Variants in CFI observed in about 807,000 individuals in gnomAD.
CFI encodes the protein C3B/C4B inactivator.
In CFI, 66 loss-of-function variants were observed where a neutral mutation model predicts 78.8. That is an observed-to-expected ratio of 0.84 (90% CI 0.69 to 1.03). The LOEUF is 1.03. CFI is among the 50% of genes least tolerant of loss of function. CFI has a pLI of 0.00. For synonymous variants in CFI, 250 were observed against 232.6 expected (o/e 1.07, Z -0.68); for missense variants, 706 against 704.5 (o/e 1.00, Z -0.02).
At chr4:109,779,538 T>C (rs1366982205) in intron 1 of CFI, among the ~76,000 whole-genome samples, 4 of 152,066 alleles carry the variant, frequency 2.6e-5, no homozygotes, top group Non-Finnish European at 2.9e-5. Flanking sequence ...GAATCAATAT[T>C]GTGAAAATGG....
intron 1 of CFI, among the ~76,000 whole-genome samples, chr4:109,783,813 ATATATAT>A (rs1730376700): frequency 3.2e-5 from 3 of 93,922 alleles, no homozygotes; most frequent in African/African-American, 1.6e-4. Flanking sequence ...AGAAACTGTG[ATATATAT>A]ATATATATAT....
intron 7 of CFI, 22 bp from the exon 8 acceptor site, chr4:109,752,525 C>A (rs1725268930): frequency 6.3e-7 from 1 of 1,599,098 alleles, no homozygotes; most frequent in South Asian, 1.1e-5. Context: ...CAAAAGATTC[C>A]AATGTTTAAA....
rs1489267052 is a variant in CFI, at chr4:109,766,704, C to G, written c.178G>C (p.Val60Leu). 1 of 1,614,216 alleles carries G rather than the reference C, an allele frequency of 6.2e-7. No homozygotes were observed. The highest frequency in any genetic ancestry group is 8.5e-7 in the Non-Finnish European group (1 of 1,180,036). ...PWQRCIEGTCVCKLPYQCPKN... is the reference protein window; with the variant it reads ...PWQRCIEGTCLCKLPYQCPKN... ...GGGCACTGATACGGTAGTTTACAAA[C>G]ACAGGTGCCCTCAATGCATCTCTGC... The change falls in exon 2 of 13, where the codon GTT becomes CTT. Residue 60 changes from valine (V) to leucine (L), a missense_variant. Transcript: ENST00000394634.
chr4:109,752,752 T>G (rs984433396), intron 7 of CFI, among the ~76,000 whole-genome samples: 2 of 149,830 alleles, frequency 1.3e-5, no homozygotes, highest in Admixed American at 1.4e-4. Flanking sequence ...TTGGTACTAG[T>G]GAATGTTGAG....
chr4:109,794,914 C>T (rs552657738), intron 1 of CFI, among the ~76,000 whole-genome samples: 3 of 152,088 alleles, frequency 2.0e-5, no homozygotes, highest in Non-Finnish European at 4.4e-5. Flanking sequence ...GATGGTGGAA[C>T]AAAATGTCCC....
At chr4:109,764,216 T>C (rs545995911) in intron 3 of CFI, 1 of 389,796 alleles carries the variant, frequency 2.6e-6, no homozygotes, top group East Asian at 6.0e-5. Context: ...GTATATAAAC[T>C]ATACTAAGTG....
At chr4:109,765,434 G>T (rs906933791) in intron 2 of CFI, among the ~76,000 whole-genome samples, 1 of 152,214 alleles carries the variant, frequency 6.6e-6, no homozygotes, top group African/African-American at 2.4e-5. Flanking sequence ...GCCAAGCACT[G>T]TGTGAAGAGC....
chr4:109,766,738 G>A lies in CFI; in HGVS notation c.144C>T (p.Cys48=), dbSNP rs946679580. ...CCTCAATGCATCTCTGCCATGGCTG[G>A]CAGAAGACTTTATCGCAGGAGAGGT... ...YTHLSCDKVF[C]QPWQRCIEGT... Residue 48 remains cysteine (C), a synonymous_variant, in exon 2 of 13, where the codon TGC becomes TGT. Transcript: ENST00000394634. 4 of 1,614,028 alleles carry A rather than the reference G, an allele frequency of 2.5e-6. No homozygotes were observed. The African/African-American group carries it at 4.0e-5, about 16-fold the overall frequency.
At chr4:109,776,680 C>T (rs190427216) in intron 1 of CFI, among the ~76,000 whole-genome samples, 2 of 152,128 alleles carry the variant, frequency 1.3e-5, no homozygotes, top group Admixed American at 1.3e-4. Context: ...TCAGATTCAC[C>T]AAAGTTGAAA....
intron 3 of CFI, among the ~76,000 whole-genome samples, chr4:109,764,021 T>C (rs1464921105): frequency 6.7e-6 from 1 of 148,684 alleles, no homozygotes; most frequent in African/African-American, 2.4e-5. Flanking sequence ...ATATAAATTA[T>C]AGTTTGTACA....
chr4:109,741,969 C>T (rs955853475), intron 12 of CFI: 7 of 161,640 alleles, frequency 4.3e-5, no homozygotes, highest in South Asian at 1.7e-4. Flanking sequence ...GTAAGAAATG[C>T]GCTGTGATTT....
chr4:109,754,584 A>G (rs1266098337), intron 7 of CFI, among the ~76,000 whole-genome samples: 3 of 151,978 alleles, frequency 2.0e-5, no homozygotes, highest in African/African-American at 7.3e-5. Context: ...ATGGATGAGG[A>G]TATGGCTGGG....
intron 6 of CFI, 81 bp from the exon 7 acceptor site, chr4:109,757,864 A>G: frequency 7.7e-7 from 1 of 1,296,920 alleles, no homozygotes; most frequent in South Asian, 1.4e-5. Flanking sequence ...CTATACATAT[A>G]TCATGAAAAC....
intron 1 of CFI, among the ~76,000 whole-genome samples, chr4:109,794,690 G>T (rs943641394): frequency 2.6e-5 from 4 of 152,068 alleles, no homozygotes; most frequent in Non-Finnish European, 5.9e-5. Context: ...CTATTCAGGG[G>T]GCTAAGGCAT....
Position 109,766,632 on chromosome 4 carries a change from T to C in CFI, c.250A>G (p.Thr84Ala). 5 of 1,614,230 alleles carry C rather than the reference T, an allele frequency of 3.1e-6. No individual in the cohort carries two copies. The highest frequency in any genetic ancestry group is 4.2e-6 in the Non-Finnish European group (5 of 1,180,026). ...TCCAAACTCTTTTGTTGACAGTATG[T>C]TGGGAAGCTTCTCCTGTTAGTTGCA... The part of the protein sequence containing the change: ...VCATNRRSFP[T>A]YCQQKSLECL... The change falls in exon 2 of 13, where the codon ACA (threonine) becomes GCA (alanine). Residue 84 changes from threonine to alanine, a missense_variant. By Grantham distance (58) the Thr-to-Ala change is moderately conservative. Coordinates refer to ENST00000394634, the MANE Select transcript of CFI (RefSeq NM_000204.5).
At chr4:109,801,825 T>C (rs1732798198) in intron 1 of CFI, 90 bp downstream of exon 1, 3 of 875,270 alleles carry the variant, frequency 3.4e-6, no homozygotes, top group African/African-American at 3.4e-5. Flanking sequence ...AATATTTAAA[T>C]CAAAATTATA....
chr4:109,739,498 A>G (rs556510461), downstream of CFI, among the ~76,000 whole-genome samples: 9 of 152,284 alleles, frequency 5.9e-5, no homozygotes, highest in African/African-American at 2.2e-4. Flanking sequence ...AGGTGGTGTG[A>G]CAGAGGGAGA....
At chr4:109,800,433 G>A (rs1294058353) in intron 1 of CFI, among the ~76,000 whole-genome samples, 2 of 139,054 alleles carry the variant, frequency 1.4e-5, no homozygotes, top group African/African-American at 5.4e-5. Flanking sequence ...CTGGGCTCAA[G>A]CAATCCTCTT....
chr4:109,752,360 T>C (rs971820662), intron 8 of CFI, 108 bp downstream of exon 8: 41 of 953,286 alleles, frequency 4.3e-5, no homozygotes, highest in Non-Finnish European at 6.6e-5. Context: ...TAATTTAAAT[T>C]GATACCAAAA....
Sources: allele counts gnomAD v4.1 joint callset (sites outside exome capture counted in the v4.1 genomes callset), GRCh38; gene constraint gnomAD v4.1.1; transcripts MANE v1.5; gene names NCBI Gene and HGNC (gene_info 2026-07-23, HGNC 2026-07-21).